Variants in CNGB1 observed in about 807,000 individuals in gnomAD.
CNGB1 encodes the protein cyclic nucleotide-gated channel beta-1.
Under a neutral mutation model 151.7 loss-of-function variants are expected in CNGB1, and 126 were observed. The ratio of observed to expected loss-of-function variants is 0.83; its 90% CI spans 0.72 to 0.96. CNGB1 has a LOEUF of 0.96. Ranked by LOEUF, CNGB1 falls within the 40% of genes least tolerant of loss-of-function variation. CNGB1 has a pLI of 0.00. For missense variants in CNGB1, 1,698 were observed against 1,627.0 expected (o/e 1.04, Z -0.75); for synonymous variants, 623 against 635.1 (o/e 0.98, Z 0.29).
intron 15 of CNGB1, 59 bp downstream of exon 15, chr16:57,940,175 A>G: frequency 6.8e-7 from 1 of 1,474,658 alleles, no homozygotes; most frequent in Non-Finnish European, 9.3e-7. Context: ...CAAGGTCCCC[A>G]TCCTTCCACC....
Position 57,949,354 on chromosome 16 carries a change from C to G in CNGB1, c.1120G>C (p.Glu374Gln), listed in dbSNP as rs755093425. The G allele has an allele frequency of 4.5e-5, 73 of 1,610,238 alleles. No homozygotes were observed. The highest frequency in any genetic ancestry group is 6.2e-5 in the Non-Finnish European group (73 of 1,180,012). Reference sequence around the variant, plus strand: ...CAGACAGGTGAGCAAATGACTTACTCAGTCACCTCCTCCTCTTCCTCCTCC... The same window carrying G: ...CAGACAGGTGAGCAAATGACTTACTGAGTCACCTCCTCCTCTTCCTCCTCC... ...EEEEEEEEVT[E>Q]VLLDSCVVSQ... is the part of the protein sequence containing the mutation. Residue 374 changes from glutamate (E) to glutamine (Q), a missense_variant and splice_region_variant, in exon 14 of 33, where the codon GAG becomes CAG. Glu to Gln is a conservative substitution (Grantham distance 29). Coordinates refer to ENST00000251102, the MANE Select transcript of CNGB1 (RefSeq NM_001297.5).
chr16:57,955,008 C>A, intron 12 of CNGB1: 1 of 1,148,722 alleles, frequency 8.7e-7, no homozygotes, highest in Non-Finnish European at 1.1e-6. Context: ...CTCAGCCTCC[C>A]AAAGTGCTGG....
chr16:57,920,240 GA>G (rs1222213970), intron 19 of CNGB1, 146 bp downstream of exon 19: 1 of 875,628 alleles, frequency 1.1e-6, no homozygotes, highest in Non-Finnish European at 1.8e-6. Context: ...TGTACATATG[GA>G]TCCCAAATCC....
intron 31 of CNGB1, among the ~76,000 whole-genome samples, chr16:57,890,068 C>T (rs774646641): frequency 1.1e-4 from 17 of 152,128 alleles, no homozygotes; most frequent in Non-Finnish European, 1.5e-5. Flanking sequence ...AGCTTTTTAC[C>T]GGCAATTTTT....
rs202034315 is a variant in CNGB1 at position 57,920,505 on chromosome 16, G to T, written c.1683C>A (p.Ser561Arg). 8 of 1,613,874 alleles carry T rather than the reference G, an allele frequency of 5.0e-6. No individual in the cohort carries two copies. The African/African-American group carries it at 9.3e-5, about 19-fold the overall frequency. ...DRAASTASTN[S>R]AIINDRLQEL... ...CCTGGAGCCGGTCGTTGATGATGGC[G>T]CTATTTGTGCTGGCCGTGGAGGCCG... is the stretch of plus-strand genomic sequence containing the variant. The change falls in exon 19 of 33, where the codon AGC becomes AGA. Residue 561 changes from serine to arginine, a missense_variant. Transcript: ENST00000251102.
chr16:57,964,095 G>A (rs1276676078), intron 4 of CNGB1, 35 bp downstream of exon 4: 18 of 1,605,720 alleles, frequency 1.1e-5, no homozygotes, highest in Non-Finnish European at 1.5e-5. Flanking sequence ...TGGGAGGCGG[G>A]CTGGCCCTGA....
intron 12 of CNGB1, among the ~76,000 whole-genome samples, chr16:57,951,017 C>T (rs1425918076): frequency 6.6e-6 from 1 of 152,196 alleles, no homozygotes; most frequent in Non-Finnish European, 1.5e-5. Context: ...ACAGCACGCC[C>T]ATACGTTCGG....
At position 57,884,257 on chromosome 16, in the gene CNGB1, G is replaced by A; in HGVS notation, c.3663C>T (p.His1221=). Reference sequence around the variant, plus strand: ...CCGGGCTCATGCAGATCCTCACCGAGTGCTCTTCGGGCTCGGCCGGCCCCT... The same window carrying A: ...CCGGGCTCATGCAGATCCTCACCGAATGCTCTTCGGGCTCGGCCGGCCCCT... ...EEEGPAEPEE[H]SVRICMSPGP... is the part of the protein sequence containing the mutation. The change falls in exon 33 of 33, where the codon CAC becomes CAT. Residue 1221 remains histidine, a synonymous_variant. Transcript: ENST00000251102. 1 of 1,613,812 alleles carries A rather than the reference G, an allele frequency of 6.2e-7. No homozygotes were observed.
chr16:57,925,138 G>A (rs2149368844), intron 17 of CNGB1, among the ~76,000 whole-genome samples: 1 of 152,112 alleles, frequency 6.6e-6, no homozygotes, highest in Admixed American at 6.6e-5. Flanking sequence ...AAGTAGCTGG[G>A]ATTATAGGTG....
intron 18 of CNGB1, 27 bp from the exon 19 acceptor site, chr16:57,920,571 C>G: frequency 6.2e-7 from 1 of 1,608,256 alleles, no homozygotes; most frequent in Non-Finnish European, 8.5e-7. Flanking sequence ...CAAAGCTGAG[C>G]AGGCTGAGCC....
At chr16:57,929,885 A>G (rs1961299180) in intron 17 of CNGB1, among the ~76,000 whole-genome samples, 1 of 152,244 alleles carries the variant, frequency 6.6e-6, no homozygotes, top group Non-Finnish European at 1.5e-5. Flanking sequence ...TCAAAACCAC[A>G]ATGAGATACC....
intron 32 of CNGB1, 43 bp from the exon 33 acceptor site, chr16:57,884,500 A>G: frequency 6.2e-7 from 1 of 1,610,590 alleles, no homozygotes; most frequent in Non-Finnish European, 8.5e-7. Flanking sequence ...AGACTCTCGG[A>G]GGGGTCTTGG....
intron 30 of CNGB1, 125 bp from the exon 31 acceptor site, chr16:57,897,668 C>T: frequency 1.3e-6 from 2 of 1,540,152 alleles, no homozygotes; most frequent in South Asian, 1.1e-5. Flanking sequence ...CCCCCGCCCC[C>T]ATCCCCGCAT....
At chr16:57,950,635 C>A (rs957161697) in intron 12 of CNGB1, 95 bp from the exon 13 acceptor site, 1 of 1,218,562 alleles carries the variant, frequency 8.2e-7, no homozygotes. Context: ...CCCTGGCTGT[C>A]GCCAGCAGTG....
At chr16:57,956,409 C>T (rs1175003621) in intron 12 of CNGB1, among the ~76,000 whole-genome samples, 1 of 152,188 alleles carries the variant, frequency 6.6e-6, no homozygotes, top group Non-Finnish European at 1.5e-5. Context: ...TACCATCAAC[C>T]CTAACGCCCC....
At chr16:57,921,175 T>C (rs1324862276) in intron 18 of CNGB1, among the ~76,000 whole-genome samples, 1 of 151,878 alleles carries the variant, frequency 6.6e-6, no homozygotes, top group Non-Finnish European at 1.5e-5. Flanking sequence ...GACTACTCTT[T>C]TTGAGCTCAA....
intron 14 of CNGB1, among the ~76,000 whole-genome samples, chr16:57,945,594 A>G (rs865783378): frequency 1.3e-5 from 2 of 152,356 alleles, no homozygotes; most frequent in Middle Eastern, 3.4e-3. Context: ...AAGTCAAAAA[A>G]AGACTGCCAG....
chr16:57,959,965 C>A lies in CNGB1; in HGVS notation c.684G>T (p.Lys228Asn). Residue 228 changes from lysine to asparagine, a missense_variant, in exon 10 of 33, where the codon AAG (lysine) becomes AAT (asparagine). Coordinates refer to ENST00000251102, the MANE Select transcript of CNGB1 (RefSeq NM_001297.5). ...GCTGGGGCTCTGGAGCTGGTGCCTC[C>A]TTGGGTTCCTCCTTGGGCTGCAGGG... ...PIPLQPKEEPKEAPAPEPQPG... is the reference protein window; with the variant it reads ...PIPLQPKEEPNEAPAPEPQPG... 1 of 1,591,478 alleles carries A rather than the reference C, an allele frequency of 6.3e-7. No homozygotes were observed. Among genetic ancestry groups the A allele is most frequent in the East Asian group, 2.3e-5 (1 of 44,234 alleles).
chr16:57,897,828 C>T lies in CNGB1; in HGVS notation c.3063G>A (p.Thr1021=), dbSNP rs902632425. The T allele has an allele frequency of 7.4e-6, 12 of 1,614,116 alleles. No individual in the cohort carries two copies. The highest frequency in any genetic ancestry group is 4.5e-5 in the East Asian group (2 of 44,904). The change falls in exon 30 of 33, where the codon ACG becomes ACA. Residue 1021 remains threonine, a synonymous_variant. Transcript: ENST00000251102. ...GGPDGKSVLV[T]LKAGSVFGEI... is the part of the protein sequence containing the mutation. ...CTCCAAACACAGATCCAGCTTTCAGCGTCACCAGCACAGATTTCCCATCAG... is the reference window on the plus strand; with the variant it reads ...CTCCAAACACAGATCCAGCTTTCAGTGTCACCAGCACAGATTTCCCATCAG...
Sources: gnomAD v4.1 joint callset for allele counts (sites outside exome capture counted in the v4.1 genomes callset) on GRCh38, gnomAD v4.1.1 for gene constraint, MANE v1.5 for transcripts, NCBI Gene and HGNC (gene_info 2026-07-23, HGNC 2026-07-21) for gene names.